Variants in ZNF532 observed in about 807,000 individuals in gnomAD.
ZNF532 encodes zinc finger protein 532.
A neutral mutation model predicts 89.3 loss-of-function variants in ZNF532; 22 were observed. The ratio of observed to expected loss-of-function variants is 0.25; its 90% confidence interval spans 0.18 to 0.35. The LOEUF (loss-of-function observed/expected upper bound fraction) is 0.35, where lower values mean the gene tolerates loss of function less well. Among genes scored for constraint, ZNF532 ranks in the 10% least tolerant of loss-of-function variants. The pLI, the probability that ZNF532 is intolerant of heterozygous loss-of-function variation, is 1.00. For missense variants in ZNF532, 1,132 were observed against 1,643.4 expected (o/e 0.69, Z 5.38); for synonymous variants, 606 against 649.6 (o/e 0.93, Z 1.02).
At chr18:58,978,190 C>G (rs2067275921) in intron 7 of ZNF532, among the ~76,000 whole-genome samples, 1 of 152,216 alleles carries the variant, frequency 6.6e-6, no homozygotes, top group African/African-American at 2.4e-5. Flanking sequence ...CTGTCTCTCT[C>G]TCTCTCATCC....
intron 3 of ZNF532, among the ~76,000 whole-genome samples, chr18:58,921,964 G>A (rs914734965): frequency 2.0e-5 from 3 of 151,984 alleles, no homozygotes; most frequent in Non-Finnish European, 4.4e-5. Context: ...AACATTAGCC[G>A]GGCTTGGTGG....
intron 2 of ZNF532, among the ~76,000 whole-genome samples, chr18:58,887,881 G>C (rs1466639926): frequency 6.6e-6 from 1 of 152,146 alleles, no homozygotes; most frequent in South Asian, 2.1e-4. Flanking sequence ...TTATCCCTGC[G>C]TCCCCCGGGG....
At chr18:58,874,701 C>T (rs986089066) in intron 2 of ZNF532, among the ~76,000 whole-genome samples, 2 of 152,156 alleles carry the variant, frequency 1.3e-5, no homozygotes, top group Admixed American at 1.3e-4. Context: ...AAATTTTCCA[C>T]TGAGTGGCTG....
intron 2 of ZNF532, among the ~76,000 whole-genome samples, chr18:58,902,035 C>A (rs1401942662): frequency 2.0e-5 from 3 of 152,208 alleles, no homozygotes; most frequent in Admixed American, 6.5e-5. Flanking sequence ...CATGCCTGTT[C>A]TCCTCCAGCT....
chr18:58,878,925 C>T (rs1401831973), intron 2 of ZNF532, among the ~76,000 whole-genome samples: 2 of 152,230 alleles, frequency 1.3e-5, no homozygotes, highest in African/African-American at 2.4e-5. Context: ...TTCCTATACA[C>T]ATGGGCAAAC....
rs150651203 is a variant in ZNF532 at position 58,880,719 on chromosome 18, G to A, written c.-18+15140G>A. ...AACCTAAAGTTCAGGGTCTTTTATA[G>A]GTACATAGATGTATATTTGAGCCCT... On this transcript the variant is annotated intron_variant, in intron 2 of 9. Transcript: ENST00000591808. Among the ~76,000 whole-genome samples, 1,108 of 128,876 alleles carry A rather than the reference G, an allele frequency of 8.6e-3. 8 individuals carry two copies. Among genetic ancestry groups the A allele is most frequent in the African/African-American group, 0.027 (1,037 of 37,918 alleles). 84.5% of individuals were successfully genotyped at this position (128,876 alleles called of 152,430 possible). A position where few individuals can be genotyped will look rare whatever the true frequency, so the allele number is the denominator to read the frequency against.
intron 5 of ZNF532, among the ~76,000 whole-genome samples, chr18:58,946,900 T>C (rs1451867333): frequency 6.6e-6 from 1 of 152,028 alleles, no homozygotes; most frequent in Non-Finnish European, 1.5e-5. Context: ...GACAGAGAAT[T>C]GCACAGTGAG....
At chr18:58,887,646 C>T (rs563284390) in intron 2 of ZNF532, among the ~76,000 whole-genome samples, 4 of 152,258 alleles carry the variant, frequency 2.6e-5, no homozygotes, top group South Asian at 2.1e-4. Context: ...GACCTGTCAT[C>T]TTCCACCTGG....
chr18:58,912,168 A>G (rs781721790), intron 2 of ZNF532, among the ~76,000 whole-genome samples: 2 of 152,164 alleles, frequency 1.3e-5, no homozygotes, highest in African/African-American at 2.4e-5. Flanking sequence ...TCCTGTGTTG[A>G]TATTTCCAGA....
At chr18:58,910,284 T>C (rs193231867) in intron 2 of ZNF532, among the ~76,000 whole-genome samples, 326 of 152,288 alleles carry the variant, frequency 2.1e-3, no homozygotes, top group African/African-American at 6.6e-3. Flanking sequence ...AGCCTTACAA[T>C]GTACAGTCAT....
intron 7 of ZNF532, chr18:58,964,189 A>G (rs2065667599): frequency 6.6e-6 from 1 of 152,172 alleles, no homozygotes. Flanking sequence ...TATCCTTTTA[A>G]AACTCATCTT....
At chr18:58,951,638 G>T (rs903158787) in intron 6 of ZNF532, among the ~76,000 whole-genome samples, 1 of 64,972 alleles carries the variant, frequency 1.5e-5, no homozygotes, top group Non-Finnish European at 2.9e-5. Context: ...CTCAGCCCTC[G>T]CCCTGTTGTT....
At chr18:58,936,281 CTT>C (rs2062465570) in intron 4 of ZNF532, among the ~76,000 whole-genome samples, 1 of 152,204 alleles carries the variant, frequency 6.6e-6, no homozygotes, top group Non-Finnish European at 1.5e-5. Context: ...CAGAATAATA[CTT>C]TCGTTCTTGC....
intron 7 of ZNF532, among the ~76,000 whole-genome samples, chr18:58,970,850 A>AG (rs2147421230): frequency 6.6e-6 from 1 of 152,370 alleles, no homozygotes; most frequent in East Asian, 1.9e-4. Context: ...TACCCCTGGT[A>AG]GCCCCACCGT....
At chr18:58,888,886 ATATT>A (rs1791113879) in intron 2 of ZNF532, among the ~76,000 whole-genome samples, 2 of 51,694 alleles carry the variant, frequency 3.9e-5, no homozygotes, top group Non-Finnish European at 6.2e-5. Flanking sequence ...TTATATATAT[ATATT>A]TTATATATAT....
In ZNF532 at chr18:58,950,455, C is replaced by T. The variant is rs77713696; in HGVS notation, c.2868+2226C>T. On this transcript the variant is annotated intron_variant, in intron 6 of 9. Transcript: ENST00000591808. The stretch of plus-strand genomic sequence containing the variant: ...ATTTATATGTTTGGGGTTGGGTAAG[C>T]ATAGTTTTAGGGGCATACTGTTTTT... 3.8e-3 allele frequency among the ~76,000 whole-genome samples: 572 copies of T among 152,012 alleles called. 3 individuals are homozygous for T. The highest frequency in any genetic ancestry group is 0.013 in the African/African-American group (552 of 41,462).
chr18:58,901,761 T>C (rs1293934522), intron 2 of ZNF532, among the ~76,000 whole-genome samples: 2 of 152,166 alleles, frequency 1.3e-5, no homozygotes, highest in East Asian at 1.9e-4. Flanking sequence ...CCTCTTATCA[T>C]CCTGGCTGCT....
intron 5 of ZNF532, among the ~76,000 whole-genome samples, chr18:58,944,984 G>T: frequency 6.6e-6 from 1 of 152,114 alleles, no homozygotes; most frequent in South Asian, 2.1e-4. Context: ...CCTCCGTGCA[G>T]CCCCCCAGTC....
At chr18:58,863,623 G>A, upstream of ZNF532, 1 of 155,218 alleles carries the variant, frequency 6.4e-6, no homozygotes, top group Non-Finnish European at 1.4e-5. Context: ...CGCCGCCGCC[G>A]CCGCTCCGAC....
Sources: allele counts gnomAD v4.1 joint callset (sites outside exome capture counted in the v4.1 genomes callset), GRCh38; gene constraint gnomAD v4.1.1; transcripts MANE v1.5; gene names NCBI Gene and HGNC (gene_info 2026-07-23, HGNC 2026-07-21).